AP4E1: variants seen among roughly 807,000 people sequenced by gnomAD.
The protein encoded by AP4E1 is adaptor related protein complex 4 subunit epsilon 1.
In AP4E1, 56 loss-of-function variants were observed where a neutral mutation model predicts 128.2. The observed-to-expected ratio is 0.44, with a 90% confidence interval of 0.35 to 0.55. The LOEUF (loss-of-function observed/expected upper bound fraction) is 0.55. Among genes scored for constraint, AP4E1 ranks in the 20% least tolerant of loss-of-function variants. The pLI is 0.00. For missense variants in AP4E1, 1,324 were observed against 1,307.7 expected (o/e 1.01, Z -0.19); for synonymous variants, 484 against 473.1 (o/e 1.02, Z -0.30).
At chr15:50,924,150 T>C (rs1317370265) in intron 4 of AP4E1, 146 bp downstream of exon 4, 1 of 653,638 alleles carries the variant, frequency 1.5e-6, no homozygotes, top group Admixed American at 2.8e-5. Context: ...AGTTTCTGCA[T>C]CTATAAAATG....
rs1402568999 is a variant in AP4E1 at position 51,001,204 on chromosome 15, G to T, written c.3253+21G>T. ...TATAGGTTTGTAGAGTTATAAAAAG[G>T]CTATTCTGTGTTTATAGGAGCTTTC... On this transcript the variant is annotated intron_variant, in intron 20 of 20. Transcript: ENST00000261842. 6 of 1,607,144 alleles carry T rather than the reference G, an allele frequency of 3.7e-6. No individual in the cohort carries two copies. In the South Asian group the frequency reaches 6.6e-5, roughly 18 times the overall value.
At chr15:50,931,088 T>C in intron 7 of AP4E1, 117 bp downstream of exon 7, 1 of 1,278,592 alleles carries the variant, frequency 7.8e-7, no homozygotes, top group Non-Finnish European at 1.1e-6. Flanking sequence ...ATTGGCTTAA[T>C]AGTGATAAAA....
At chr15:50,981,360 G>A (rs963264478) in intron 15 of AP4E1, among the ~76,000 whole-genome samples, 2 of 152,196 alleles carry the variant, frequency 1.3e-5, no homozygotes, top group Non-Finnish European at 2.9e-5. Context: ...ACTTATTTGA[G>A]ACCACTTACC....
chr15:50,953,464 A>G (rs1405613317), intron 13 of AP4E1, among the ~76,000 whole-genome samples: 1 of 152,236 alleles, frequency 6.6e-6, no homozygotes, highest in African/African-American at 2.4e-5. Context: ...CCTGAGTAGC[A>G]TGATGAAATC....
chr15:50,994,430 G>C (rs1229499581), intron 17 of AP4E1, among the ~76,000 whole-genome samples: 1 of 151,920 alleles, frequency 6.6e-6, no homozygotes, highest in Admixed American at 6.6e-5. Context: ...CTTCATTCCT[G>C]TCAGTACCAG....
chr15:50,939,947 T>G (rs2063960656), intron 8 of AP4E1, among the ~76,000 whole-genome samples: 1 of 152,194 alleles, frequency 6.6e-6, no homozygotes, highest in Non-Finnish European at 1.5e-5. Context: ...TCGCATATTC[T>G]CCTTTGCTTT....
chr15:50,986,160 A>G (rs909331669), intron 16 of AP4E1, among the ~76,000 whole-genome samples: 9 of 151,938 alleles, frequency 5.9e-5, no homozygotes, highest in Non-Finnish European at 1.3e-4. Flanking sequence ...TTGATTTTGT[A>G]TCCTGAGACT....
chr15:51,005,588 A>G lies in AP4E1; in HGVS notation c.*2926A>G, dbSNP rs538817650. On this transcript the variant is annotated 3_prime_UTR_variant, in exon 21 of 21. Coordinates refer to ENST00000261842, the MANE Select transcript of AP4E1 (RefSeq NM_007347.5). ...TTATTTTAAACAATGTTCTACTATC[A>G]TCTACCAAAATAATTGTGGTAAAAG... The G allele has an allele frequency of 6.5e-6, 1 of 152,734 alleles. No homozygotes were observed. The highest frequency in any genetic ancestry group is 1.5e-5 in the Non-Finnish European group (1 of 68,040). The allele number at this position is 152,734 out of a possible 1,614,324, so 9.5% of individuals were successfully genotyped here.
intron 3 of AP4E1, among the ~76,000 whole-genome samples, chr15:50,918,772 A>G (rs1455196438): frequency 6.6e-6 from 1 of 152,230 alleles, no homozygotes; most frequent in African/African-American, 2.4e-5. Flanking sequence ...GAAAGATAGC[A>G]TACTATATAG....
chr15:50,989,398 AT>A (rs1454728018), intron 16 of AP4E1, among the ~76,000 whole-genome samples: 1 of 151,984 alleles, frequency 6.6e-6, no homozygotes, highest in African/African-American at 2.4e-5. Context: ...GGTTACAAGT[AT>A]TTATCAGAAG....
chr15:50,963,365 A>G (rs2064341827), intron 14 of AP4E1, among the ~76,000 whole-genome samples: 1 of 152,208 alleles, frequency 6.6e-6, no homozygotes, highest in Non-Finnish European at 1.5e-5. Context: ...CAGTGGACAC[A>G]TGGATAAGGA....
intron 5 of AP4E1, among the ~76,000 whole-genome samples, chr15:50,926,114 C>T (rs2063767008): frequency 6.6e-6 from 1 of 151,966 alleles, no homozygotes; most frequent in South Asian, 2.1e-4. Context: ...GACCAAGCCC[C>T]TTTATGTCAT....
intron 15 of AP4E1, among the ~76,000 whole-genome samples, chr15:50,978,420 T>A (rs926020601): frequency 6.6e-6 from 1 of 152,068 alleles, no homozygotes. Context: ...GTAAAAATTA[T>A]TAATAATAGC....
chr15:50,939,999 T>C (rs1353126678), intron 8 of AP4E1, among the ~76,000 whole-genome samples: 3 of 152,200 alleles, frequency 2.0e-5, no homozygotes, highest in Non-Finnish European at 4.4e-5. Flanking sequence ...TAAAAATCTT[T>C]CTTTAGTTCA....
At chr15:50,949,961 T>C (rs765568464) in intron 12 of AP4E1, 23 bp downstream of exon 12, 2 of 1,599,374 alleles carry the variant, frequency 1.3e-6, no homozygotes, top group Non-Finnish European at 1.7e-6. Flanking sequence ...TTATATTCTG[T>C]AAAGTAAACA....
At chr15:50,944,883 C>T in intron 10 of AP4E1, 1 of 816,272 alleles carries the variant, frequency 1.2e-6, no homozygotes. Flanking sequence ...CTTGGCAAAG[C>T]ATCCAAAGAA....
In AP4E1 at chr15:51,002,590, G is replaced by A. The variant is rs1480043822; in HGVS notation, c.3342G>A (p.Trp1114Ter). 4 of 1,614,142 alleles carry A rather than the reference G, an allele frequency of 2.5e-6. No individual in the cohort carries two copies. The highest frequency in any genetic ancestry group is 3.4e-6 in the Non-Finnish European group (4 of 1,180,012). Residue 1114 changes from tryptophan to a stop codon, truncating the protein, a stop_gained, in exon 21 of 21, where the codon TGG (tryptophan) becomes TGA (stop). Transcript: ENST00000261842. LOFTEE classifies it high-confidence loss of function. Reference sequence around the variant, plus strand: ...TTCATGCAGATGTATTAGCCCTGTGGTTCAGATCCTCCTGTTCTACTCTTC... The same window carrying A: ...TTCATGCAGATGTATTAGCCCTGTGATTCAGATCCTCCTGTTCTACTCTTC... ...CRVHADVLAL[W>*]FRSSCSTLPD...
At chr15:50,916,359 C>A (rs2063630771) in intron 3 of AP4E1, among the ~76,000 whole-genome samples, 1 of 152,122 alleles carries the variant, frequency 6.6e-6, no homozygotes, top group African/African-American at 2.4e-5. Flanking sequence ...CAAATGTTAG[C>A]TATGAGGATT....
upstream of AP4E1, chr15:50,908,597 T>A (rs1353195777): frequency 5.2e-6 from 4 of 770,254 alleles, no homozygotes; most frequent in Non-Finnish European, 7.4e-6. Context: ...CGCGGTCTCT[T>A]GCGCCCTCTG....
Sources: allele counts gnomAD v4.1 joint callset (sites outside exome capture counted in the v4.1 genomes callset), GRCh38; gene constraint gnomAD v4.1.1; transcripts MANE v1.5; gene names NCBI Gene and HGNC (gene_info 2026-07-23, HGNC 2026-07-21).